Variants in ERBB4 observed in about 807,000 individuals in gnomAD.
The protein encoded by ERBB4 is receptor tyrosine-protein kinase erbB-4.
ERBB4 carries 42 observed loss-of-function variants against 158.0 expected under a neutral mutation model. The observed-to-expected ratio is 0.27, with a 90% CI of 0.21 to 0.34. The LOEUF (loss-of-function observed/expected upper bound fraction) is 0.34, where lower values mean the gene tolerates loss of function less well. Ranked by LOEUF, ERBB4 falls within the 10% of genes least tolerant of loss-of-function variation. ERBB4 has a pLI of 1.00. For missense variants in ERBB4, 1,333 were observed against 1,624.1 expected (o/e 0.82, Z 3.08); for synonymous variants, 583 against 558.7 (o/e 1.04, Z -0.61).
intron 1 of ERBB4, among the ~76,000 whole-genome samples, chr2:212,384,614 T>C (rs1489356483): frequency 6.6e-6 from 1 of 151,604 alleles, no homozygotes; most frequent in Non-Finnish European, 1.5e-5. Flanking sequence ...ACATTTTAGT[T>C]TTATAACTAT....
intron 3 of ERBB4, among the ~76,000 whole-genome samples, chr2:211,824,387 T>C (rs1036412356): frequency 6.6e-6 from 1 of 152,022 alleles, no homozygotes; most frequent in African/African-American, 2.4e-5. Flanking sequence ...TCTGGCATTA[T>C]GGAAGGCAAG....
intron 25 of ERBB4, among the ~76,000 whole-genome samples, chr2:211,392,601 C>CACACA (rs1559122671): frequency 2.2e-5 from 3 of 134,118 alleles, no homozygotes; most frequent in Non-Finnish European, 3.4e-5. Context: ...CACACACACA[C>CACACA]CCCAATAATG....
Position 211,382,373 on chromosome 2 carries a change from G to C in ERBB4, c.*1242C>G, listed in dbSNP as rs1448519302. ...CATAGTCCCTGGATACCGTTGCAAG[G>C]TTCCTAATTTGCTTGGTTTGGCATT... On this transcript the variant is annotated 3_prime_UTR_variant, in exon 28 of 28. Coordinates refer to ENST00000342788, the MANE Select transcript of ERBB4 (RefSeq NM_005235.3). 1.3e-5 allele frequency: 3 copies of C among 232,510 alleles called. No individual in the cohort carries two copies. Among genetic ancestry groups the C allele is most frequent in the Non-Finnish European group, 2.6e-5 (3 of 117,478 alleles). The allele number at this position is 232,510 out of a possible 1,614,324, so 14.4% of individuals were successfully genotyped here. A position where few individuals can be genotyped will look rare whatever the true frequency, so the allele number is the denominator to read the frequency against.
chr2:212,140,155 T>C (rs1391944792), intron 1 of ERBB4, among the ~76,000 whole-genome samples: 1 of 151,506 alleles, frequency 6.6e-6, no homozygotes, highest in Non-Finnish European at 1.5e-5. Flanking sequence ...TTGCATCATT[T>C]TTTATTGTTC....
At chr2:211,937,333 A>C (rs530933866) in intron 3 of ERBB4, among the ~76,000 whole-genome samples, 20 of 152,258 alleles carry the variant, frequency 1.3e-4, no homozygotes, top group Non-Finnish European at 1.2e-4. Context: ...TTTTAAAAAA[A>C]CTTTTAACAT....
intron 19 of ERBB4, among the ~76,000 whole-genome samples, chr2:211,590,903 A>G (rs998549774): frequency 6.6e-6 from 1 of 152,222 alleles, no homozygotes; most frequent in Non-Finnish European, 1.5e-5. Flanking sequence ...CAACAGGAAG[A>G]GCAGCAACTT....
At chr2:211,711,972 C>T (rs1248402197) in intron 9 of ERBB4, 78 bp downstream of exon 9, 2 of 1,268,472 alleles carry the variant, frequency 1.6e-6, no homozygotes, top group Non-Finnish European at 1.1e-6. Context: ...CCAGAGGAAT[C>T]AAATAAACAA....
intron 3 of ERBB4, among the ~76,000 whole-genome samples, chr2:211,895,517 C>T (rs2079075148): frequency 1.3e-5 from 2 of 152,110 alleles, no homozygotes; most frequent in African/African-American, 4.8e-5. Flanking sequence ...CCTCAGCCTC[C>T]CAAAATGCTT....
intron 1 of ERBB4, among the ~76,000 whole-genome samples, chr2:212,317,925 T>C (rs1276656244): frequency 6.6e-6 from 1 of 151,594 alleles, no homozygotes; most frequent in African/African-American, 2.4e-5. Flanking sequence ...TCAAAACTTA[T>C]CTTTTCAAAA....
intron 2 of ERBB4, among the ~76,000 whole-genome samples, chr2:211,951,606 A>T (rs949341100): frequency 2.0e-5 from 3 of 152,124 alleles, no homozygotes; most frequent in Admixed American, 2.0e-4. Context: ...CAGGGTGTGT[A>T]TTACATTATT....
At position 211,780,297 on chromosome 2, in the gene ERBB4, G is replaced by A. The variant is rs78421910; in HGVS notation, c.556+7728C>T. On this transcript the variant is annotated intron_variant, in intron 4 of 27. Coordinates refer to ENST00000342788, the MANE Select transcript of ERBB4 (RefSeq NM_005235.3). The stretch of plus-strand genomic sequence containing the variant: ...GAGGATTGCCTGAACCCAAGCGGTC[G>A]AGGCTCCAGTGAGCTGTGATTGCAC... Among the ~76,000 whole-genome samples, 1,414 of 152,274 alleles carry A rather than the reference G, an allele frequency of 9.3e-3. 27 individuals carry two copies. The highest frequency in any genetic ancestry group is 0.032 in the African/African-American group (1,330 of 41,544).
chr2:212,511,850 T>A (rs969374287), intron 1 of ERBB4, among the ~76,000 whole-genome samples: 1 of 149,772 alleles, frequency 6.7e-6, no homozygotes, highest in Admixed American at 6.6e-5. Flanking sequence ...TCATGAAGAA[T>A]CCATTTTGCC....
In ERBB4 at chr2:211,412,918, C is replaced by T. The variant is rs1319744819; in HGVS notation, c.3135+7523G>A. The stretch of plus-strand genomic sequence containing the variant: ...GCAATGAGCCGAGATCGCTCCACTG[C>T]ACTCCAGCCTGGCAACAGAGTGGGA... On this transcript the variant is annotated intron_variant, in intron 25 of 27. Transcript: ENST00000342788. Among the ~76,000 whole-genome samples, 3 of 145,928 alleles carry T rather than the reference C, an allele frequency of 2.1e-5. 1 individual carries two copies. The highest frequency in any genetic ancestry group is 4.1e-4 in the East Asian group (2 of 4,916).
intron 1 of ERBB4, among the ~76,000 whole-genome samples, chr2:212,211,657 T>C (rs2082939081): frequency 6.6e-6 from 1 of 150,728 alleles, no homozygotes; most frequent in African/African-American, 2.4e-5. Context: ...TGTGCAGGTT[T>C]GTTACATAGG....
At chr2:212,320,219 C>T (rs1370822218) in intron 1 of ERBB4, among the ~76,000 whole-genome samples, 2 of 106,650 alleles carry the variant, frequency 1.9e-5, no homozygotes, top group Non-Finnish European at 4.5e-5. Flanking sequence ...CAGATTTACG[C>T]AGTCATACTT....
At chr2:211,438,745 A>C (rs533858750) in intron 20 of ERBB4, among the ~76,000 whole-genome samples, 5 of 152,184 alleles carry the variant, frequency 3.3e-5, no homozygotes, top group Middle Eastern at 3.4e-3. Flanking sequence ...TATTCAGAGG[A>C]AGAAAAGCAG....
At chr2:211,561,754 G>C in intron 20 of ERBB4, 149 bp downstream of exon 20, 1 of 722,104 alleles carries the variant, frequency 1.4e-6, no homozygotes, top group Non-Finnish European at 2.4e-6. Context: ...TTACCTAAAA[G>C]TACCTCTCTG....
chr2:212,112,243 C>T (rs529375954), intron 2 of ERBB4, among the ~76,000 whole-genome samples: 7 of 152,156 alleles, frequency 4.6e-5, no homozygotes, highest in African/African-American at 1.7e-4. Context: ...AGCAATCATC[C>T]TCCTTGGTCT....
chr2:212,179,724 AGAT>A (rs1559670564), intron 1 of ERBB4, among the ~76,000 whole-genome samples: 1 of 151,658 alleles, frequency 6.6e-6, no homozygotes, highest in Non-Finnish European at 1.5e-5. Flanking sequence ...TATAAATCAT[AGAT>A]GATAGATATT....
Sources: allele counts gnomAD v4.1 joint callset (sites outside exome capture counted in the v4.1 genomes callset), GRCh38; gene constraint gnomAD v4.1.1; transcripts MANE v1.5; gene names NCBI Gene and HGNC (gene_info 2026-07-23, HGNC 2026-07-21).